The following SOBP variants were observed in gnomAD, a reference collection of about 807,000 sequenced individuals.
SOBP encodes the protein sine oculis binding protein homolog.
Under a neutral mutation model 53.6 loss-of-function variants are expected in SOBP, and 4 were observed. That is an observed-to-expected ratio of 0.07 (90% CI 0.04 to 0.17). SOBP has a LOEUF of 0.17. Ranked by LOEUF, SOBP falls within the 10% of genes least tolerant of loss-of-function variation. The probability of loss-of-function intolerance (pLI) is 1.00; values close to 1 mark genes in which losing one functional copy is unlikely to be tolerated. For synonymous variants in SOBP, 584 were observed against 522.6 expected (o/e 1.12, Z -1.60); for missense variants, 1,088 against 1,204.7 (o/e 0.90, Z 1.43).
chr6:107,509,940 C>T (rs943065738), intron 3 of SOBP: 1 of 152,166 alleles, frequency 6.6e-6, no homozygotes, highest in Non-Finnish European at 1.5e-5. Flanking sequence ...CTGTCCTACT[C>T]AAGGGTTCTA....
chr6:107,611,201 G>A lies in SOBP; in HGVS notation c.670-22313G>A, dbSNP rs188830032. Among the ~76,000 whole-genome samples, 72 of 152,358 alleles carry A rather than the reference G, an allele frequency of 4.7e-4. 1 individual carries two copies. The East Asian group carries it at 9.7e-3, about 20-fold the overall frequency. On this transcript the variant is annotated intron_variant, in intron 5 of 6. Coordinates refer to ENST00000317357, the MANE Select transcript of SOBP (RefSeq NM_018013.4). Reference sequence around the variant, plus strand: ...AGGCCTGTGCCAATAACTGAGAACCGACATGAGGTCTTTGTGGGACTGTTT... The same window carrying A: ...AGGCCTGTGCCAATAACTGAGAACCAACATGAGGTCTTTGTGGGACTGTTT...
chr6:107,649,745 G>A (rs1040864147), intron 6 of SOBP, among the ~76,000 whole-genome samples: 1 of 152,038 alleles, frequency 6.6e-6, no homozygotes, highest in African/African-American at 2.4e-5. Context: ...TTTGGAAGAG[G>A]GCCTACCAGA....
At chr6:107,523,364 A>C (rs560256704) in intron 3 of SOBP, among the ~76,000 whole-genome samples, 1 of 152,226 alleles carries the variant, frequency 6.6e-6, no homozygotes, top group Non-Finnish European at 1.5e-5. Context: ...AGGTGAGAAG[A>C]GTGAAGAGTG....
At position 107,642,301 on chromosome 6, in the gene SOBP, G is replaced by A. The variant is rs139219340; in HGVS notation, c.*3+6832G>A. On this transcript the variant is annotated intron_variant, in intron 6 of 6. Coordinates refer to ENST00000317357, the MANE Select transcript of SOBP (RefSeq NM_018013.4). ...GAACATGAGACCATCAACAGGGAGG[G>A]GAAGTACACACACATGCACAAAACT... Among the ~76,000 whole-genome samples, 5 of 152,186 alleles carry A rather than the reference G, an allele frequency of 3.3e-5. No individual in the cohort carries two copies. In the East Asian group the frequency reaches 9.6e-4, roughly 29 times the overall value.
chr6:107,576,594 C>A (rs978963378), intron 4 of SOBP, among the ~76,000 whole-genome samples: 1 of 152,150 alleles, frequency 6.6e-6, no homozygotes, highest in Admixed American at 6.5e-5. Flanking sequence ...AGGGCCAGGG[C>A]AGGACCACAG....
chr6:107,594,374 T>C (rs1785865322), intron 5 of SOBP, among the ~76,000 whole-genome samples: 2 of 152,028 alleles, frequency 1.3e-5, no homozygotes, highest in Admixed American at 6.6e-5. Flanking sequence ...TTACTAGCAA[T>C]GGAGTACCTG....
Position 107,635,320 on chromosome 6 carries a change from T to A in SOBP, c.2476T>A (p.Cys826Ser), listed in dbSNP as rs763171710. The stretch of plus-strand genomic sequence containing the variant: ...TCTGCGGATGCTGCCCAAGACCGGC[T>A]GCGTGATCCAGCCTGTGCCAAAACC... ...YALRMLPKTG[C>S]VIQPVPKPAE... is the part of the protein sequence containing the mutation. Residue 826 changes from cysteine (C) to serine (S), a missense_variant, in exon 6 of 7, where the codon TGC (cysteine) becomes AGC (serine). Cys to Ser is a moderately radical substitution (Grantham distance 112). This residue lies in a region of SOBP where 665 missense variants were observed against 629.7 expected (regional missense o/e 1.06). Transcript: ENST00000317357. The surrounding 1 kb of genome is among the most constrained non-coding windows in gnomAD (Gnocchi z 4.5). 1 of 1,613,600 alleles carries A rather than the reference T, an allele frequency of 6.2e-7. No individual in the cohort carries two copies. The highest frequency in any genetic ancestry group is 1.1e-5 in the South Asian group (1 of 91,086).
chr6:107,522,536 A>C (rs1416062555), intron 3 of SOBP, among the ~76,000 whole-genome samples: 2 of 48,222 alleles, frequency 4.1e-5, no homozygotes, highest in Non-Finnish European at 9.1e-5. Context: ...TAGTATAAAA[A>C]CTTTTTTTTT....
chr6:107,622,319 G>T (rs1022997372), intron 5 of SOBP, among the ~76,000 whole-genome samples: 5 of 152,172 alleles, frequency 3.3e-5, no homozygotes, highest in Admixed American at 1.3e-4. Flanking sequence ...TGGGAAGAAT[G>T]TATTTACAGA....
intron 5 of SOBP, 96 bp downstream of exon 5, chr6:107,587,271 AATATT>A (rs1309256957): frequency 1.0e-6 from 1 of 962,148 alleles, no homozygotes. Flanking sequence ...TAATTGATGA[AATATT>A]ATAGTTTTCT....
intron 4 of SOBP, among the ~76,000 whole-genome samples, chr6:107,536,897 G>T (rs927914154): frequency 4.6e-5 from 7 of 152,150 alleles, no homozygotes; most frequent in African/African-American, 1.4e-4. Flanking sequence ...TTATTTGCTG[G>T]CTTAAAAGTT....
chr6:107,603,862 G>A (rs560933981), intron 5 of SOBP, among the ~76,000 whole-genome samples: 1 of 152,286 alleles, frequency 6.6e-6, no homozygotes, highest in East Asian at 1.9e-4. Context: ...GAAGGGGAAG[G>A]AAATAACTTT....
At chr6:107,639,756 T>C (rs1258248345) in intron 6 of SOBP, among the ~76,000 whole-genome samples, 1 of 152,144 alleles carries the variant, frequency 6.6e-6, no homozygotes, top group Admixed American at 6.6e-5. Context: ...GAGTAACCAT[T>C]TGCAAATGTT....
chr6:107,532,226 C>T (rs1783843529), intron 3 of SOBP, among the ~76,000 whole-genome samples: 1 of 104,532 alleles, frequency 9.6e-6, no homozygotes. Flanking sequence ...ATGTGGCAAT[C>T]AGTCTCTCTC....
intron 5 of SOBP, among the ~76,000 whole-genome samples, chr6:107,624,421 G>A (rs909305454): frequency 3.9e-5 from 6 of 152,170 alleles, no homozygotes; most frequent in South Asian, 2.1e-4. Context: ...AACTGGGGAC[G>A]TTTAAAAATA....
In SOBP at chr6:107,633,738, C is replaced by T; in HGVS notation, c.894C>T (p.Asp298=). The change falls in exon 6 of 7, where the codon GAC becomes GAT. Residue 298 remains aspartate (D), a synonymous_variant. Coordinates refer to ENST00000317357, the MANE Select transcript of SOBP (RefSeq NM_018013.4). ...EGTGVQLLTP[D]SWNIPLTDAR... ...CCGGGGTGCAGCTGCTCACTCCAGA[C>T]TCTTGGAATATCCCGCTAACAGATG... 2 of 1,614,264 alleles carry T rather than the reference C, an allele frequency of 1.2e-6. No individual in the cohort carries two copies. Among genetic ancestry groups the T allele is most frequent in the East Asian group, 4.5e-5 (2 of 44,882 alleles).
chr6:107,523,413 C>T (rs922675018), intron 3 of SOBP, among the ~76,000 whole-genome samples: 4 of 152,236 alleles, frequency 2.6e-5, no homozygotes, highest in African/African-American at 9.6e-5. Flanking sequence ...GTAGGTTCAT[C>T]TTGCTTCTTT....
chr6:107,539,539 G>T (rs1413621674), intron 4 of SOBP, among the ~76,000 whole-genome samples: 3 of 152,178 alleles, frequency 2.0e-5, no homozygotes, highest in African/African-American at 7.2e-5. Flanking sequence ...GGAACTGCCG[G>T]TAATTATCCA....
At chr6:107,512,527 T>A (rs978506923) in intron 3 of SOBP, among the ~76,000 whole-genome samples, 4 of 152,346 alleles carry the variant, frequency 2.6e-5, no homozygotes, top group Non-Finnish European at 5.9e-5. Flanking sequence ...CTTATAATGG[T>A]CTTCACTGCT....
Sources: gnomAD v4.1 joint callset for allele counts (sites outside exome capture counted in the v4.1 genomes callset) on GRCh38, gnomAD v4.1.1 for gene constraint, gnomAD v4.1.1 regional missense constraint, Gnocchi (gnomAD v3.1) non-coding constraint, MANE v1.5 for transcripts, NCBI Gene and HGNC (gene_info 2026-07-23, HGNC 2026-07-21) for gene names.